CSGALNACT1: variants seen among roughly 807,000 people sequenced by gnomAD.
CSGALNACT1 encodes chondroitin sulfate N-acetylgalactosaminyltransferase 1.
Under a neutral mutation model 51.0 loss-of-function variants are expected in CSGALNACT1, and 52 were observed. That is an observed-to-expected ratio of 1.02 (90% CI 0.82 to 1.29). The LOEUF (loss-of-function observed/expected upper bound fraction) is 1.29, where lower values mean the gene tolerates loss of function less well. CSGALNACT1 is among the 50% of genes most tolerant of loss of function. The pLI is 0.00. For missense variants in CSGALNACT1, 935 were observed against 679.2 expected, an observed-to-expected ratio of 1.38 and a Z score of -4.19; for synonymous variants, 341 against 254.4, an observed-to-expected ratio of 1.34 and a Z score of -3.24.
chr8:19,418,549 G>C (rs2057326248), intron 8 of CSGALNACT1, 107 bp downstream of exon 7: 1 of 787,508 alleles, frequency 1.3e-6, no homozygotes, highest in East Asian at 2.6e-5. Flanking sequence ...ACTACTAAGG[G>C]AATCATTGCA....
chr8:19,728,009 T>C (rs776869973), intron 1 of CSGALNACT1, among the ~76,000 whole-genome samples: 1 of 151,964 alleles, frequency 6.6e-6, no homozygotes, highest in East Asian at 1.9e-4. Flanking sequence ...GCGACTGGAG[T>C]TCTACGCGCG....
chr8:19,482,158 T>C (rs2071576306), intron 4 of CSGALNACT1, among the ~76,000 whole-genome samples: 1 of 152,150 alleles, frequency 6.6e-6, no homozygotes, highest in Admixed American at 6.5e-5. Flanking sequence ...GCTGAGCACC[T>C]AGATCAGCGC....
intron 4 of CSGALNACT1, among the ~76,000 whole-genome samples, chr8:19,483,350 C>G (rs1323746214): frequency 1.3e-5 from 2 of 152,244 alleles, no homozygotes; most frequent in African/African-American, 4.8e-5. Context: ...TTCATTATGT[C>G]TGGTTCTCAG....
At chr8:19,530,902 G>A (rs2082646543) in intron 3 of CSGALNACT1, among the ~76,000 whole-genome samples, 1 of 152,180 alleles carries the variant, frequency 6.6e-6, no homozygotes, top group South Asian at 2.1e-4. Context: ...TGGAGTGTGT[G>A]GAGTTACTGC....
At chr8:19,439,895 G>A in exon 6 of CSGALNACT1, 1 of 1,614,138 alleles carries the variant, frequency 6.2e-7, no homozygotes, top group South Asian at 1.1e-5. Flanking sequence ...AAACAACAGT[G>A]AGATGGACTC....
intron 5 of CSGALNACT1, among the ~76,000 whole-genome samples, chr8:19,444,820 G>A (rs1363198448): frequency 6.6e-6 from 1 of 152,142 alleles, no homozygotes; most frequent in Non-Finnish European, 1.5e-5. Flanking sequence ...TAAAGAACAG[G>A]GAATTGAGAA....
intron 4 of CSGALNACT1, among the ~76,000 whole-genome samples, chr8:19,465,130 T>C (rs1473089109): frequency 1.3e-5 from 2 of 152,162 alleles, no homozygotes; most frequent in Non-Finnish European, 2.9e-5. Flanking sequence ...AAACAAAATG[T>C]GGTCCACCCA....
intron 1 of CSGALNACT1, among the ~76,000 whole-genome samples, chr8:19,677,457 A>G (rs60778959): frequency 0.065 from 9,832 of 152,182 alleles, 401 homozygotes; most frequent in African/African-American, 0.12. Flanking sequence ...TGCTGATGAG[A>G]TGACACAGTA....
chr8:19,572,554 G>A (rs1329383068), intron 3 of CSGALNACT1, among the ~76,000 whole-genome samples: 1 of 152,136 alleles, frequency 6.6e-6, no homozygotes, highest in Non-Finnish European at 1.5e-5. Flanking sequence ...CACTTTCTGG[G>A]TACATACTAC....
intron 3 of CSGALNACT1, among the ~76,000 whole-genome samples, chr8:19,575,272 C>A (rs1301685965): frequency 6.6e-6 from 1 of 152,158 alleles, no homozygotes; most frequent in Admixed American, 6.5e-5. Flanking sequence ...CTCTGGTTGT[C>A]GCCTTTTCCT....
chr8:19,630,283 G>C (rs1226262469), intron 1 of CSGALNACT1, among the ~76,000 whole-genome samples: 2 of 150,850 alleles, frequency 1.3e-5, no homozygotes, highest in African/African-American at 4.9e-5. Context: ...TGTAAAGACT[G>C]AAACTTGAGT....
intron 1 of CSGALNACT1, among the ~76,000 whole-genome samples, chr8:19,718,792 T>C (rs949822419): frequency 6.6e-6 from 1 of 152,136 alleles, no homozygotes; most frequent in African/African-American, 2.4e-5. Context: ...TTGCATCCAC[T>C]CTACCCTTGC....
At chr8:19,539,526 C>G (rs1331400117) in intron 3 of CSGALNACT1, among the ~76,000 whole-genome samples, 2 of 152,120 alleles carry the variant, frequency 1.3e-5, no homozygotes, top group Non-Finnish European at 2.9e-5. Context: ...TAAAGCAAGG[C>G]TTCTCTGAAA....
At chr8:19,454,801 AT>A (rs1055887463) in intron 5 of CSGALNACT1, among the ~76,000 whole-genome samples, 14 of 152,058 alleles carry the variant, frequency 9.2e-5, no homozygotes, top group African/African-American at 3.4e-4. Flanking sequence ...AAAAAAAAAA[AT>A]ATTTCCAACC....
intron 1 of CSGALNACT1, among the ~76,000 whole-genome samples, chr8:19,663,472 T>C (rs1307592118): frequency 6.6e-6 from 1 of 152,166 alleles, no homozygotes; most frequent in African/African-American, 2.4e-5. Flanking sequence ...CATCCCAATT[T>C]TCCTTTCCCC....
At chr8:19,667,087 GAAA>G (rs2059435552) in intron 1 of CSGALNACT1, among the ~76,000 whole-genome samples, 1 of 125,088 alleles carries the variant, frequency 8.0e-6, no homozygotes, top group African/African-American at 3.0e-5. Context: ...AAGAAAGAAA[GAAA>G]GAAAGAAAGG....
At chr8:19,748,465 T>C (rs2064821458) in intron 1 of CSGALNACT1, among the ~76,000 whole-genome samples, 1 of 152,200 alleles carries the variant, frequency 6.6e-6, no homozygotes, top group East Asian at 1.9e-4. Flanking sequence ...AAATATAGCA[T>C]GCTCCTCCTC....
intron 1 of CSGALNACT1, among the ~76,000 whole-genome samples, chr8:19,613,808 C>A (rs866547799): frequency 3.5e-4 from 54 of 152,162 alleles, no homozygotes; most frequent in African/African-American, 1.3e-3. Context: ...GCTTTTTCTT[C>A]ATATTCTCTT....
intron 1 of CSGALNACT1, among the ~76,000 whole-genome samples, chr8:19,649,761 G>T (rs1173152795): frequency 8.3e-6 from 1 of 120,996 alleles, no homozygotes; most frequent in African/African-American, 3.1e-5. Context: ...GTTAAAAAGA[G>T]TAGAAATTTT....
Sources: allele counts gnomAD v4.1 joint callset (sites outside exome capture counted in the v4.1 genomes callset), GRCh38; gene constraint gnomAD v4.1.1; transcripts MANE v1.5; gene names NCBI Gene and HGNC (gene_info 2026-07-23, HGNC 2026-07-21).